The following RBFOX1 variants were observed in gnomAD, a reference collection of about 807,000 sequenced individuals.
The protein encoded by RBFOX1 is RNA binding fox-1 homolog 1, also known as RNA binding protein fox-1 homolog 1.
Under a neutral mutation model 57.7 loss-of-function variants are expected in RBFOX1, and 8 were observed. The ratio of observed to expected loss-of-function variants is 0.14; its 90% confidence interval spans 0.08 to 0.25. RBFOX1 has a LOEUF of 0.25. Among genes scored for constraint, RBFOX1 ranks in the 10% least tolerant of loss-of-function variants. The pLI is 1.00. For missense variants in RBFOX1, 611 were observed against 548.5 expected (o/e 1.11, Z -1.14); for synonymous variants, 326 against 222.4 (o/e 1.47, Z -4.15).
At chr16:7,549,043 AG>A (rs1246296735) in intron 5 of RBFOX1, among the ~76,000 whole-genome samples, 4 of 152,208 alleles carry the variant, frequency 2.6e-5, no homozygotes, top group African/African-American at 9.6e-5. Flanking sequence ...AACAGAGAAG[AG>A]GGTGGACAGG....
At chr16:7,134,801 A>G (rs2071458870) in intron 4 of RBFOX1, among the ~76,000 whole-genome samples, 1 of 152,208 alleles carries the variant, frequency 6.6e-6, no homozygotes, top group South Asian at 2.1e-4. Flanking sequence ...TTAATGTTAA[A>G]GGAGTACATA....
At position 5,555,851 on chromosome 16, in the gene RBFOX1, A is replaced by G. The variant is rs555919716; in HGVS notation, c.259-43051A>G. On this transcript the variant is annotated intron_variant, in intron 2 of 2. Transcript: ENST00000585867. ...AGCCTCACCAATATGGGAAAACCCC[A>G]TATCTACTAAAAATACAAAATTAGC... Among the ~76,000 whole-genome samples the G allele has an allele frequency of 4.7e-4, 72 of 152,004 alleles. 2 individuals carry two copies. The highest frequency in any genetic ancestry group is 1.7e-3 in the Admixed American group (26 of 15,280).
At chr16:5,628,717 A>T (rs937288753) in intron 3 of RBFOX1, among the ~76,000 whole-genome samples, 5 of 152,216 alleles carry the variant, frequency 3.3e-5, no homozygotes, top group African/African-American at 1.2e-4. Flanking sequence ...GGGTTGACAT[A>T]GCAGTCTCTT....
chr16:5,675,040 T>C (rs766159953), intron 3 of RBFOX1, among the ~76,000 whole-genome samples: 6 of 152,072 alleles, frequency 3.9e-5, no homozygotes, highest in Non-Finnish European at 7.4e-5. Context: ...TTCCAACTAC[T>C]TGGAGCCTGA....
At chr16:6,142,339 A>C (rs1460846450) in intron 1 of RBFOX1, among the ~76,000 whole-genome samples, 1 of 148,702 alleles carries the variant, frequency 6.7e-6, no homozygotes, top group East Asian at 2.0e-4. Context: ...CTCCTGTCTC[A>C]GCCTCCCGAG....
intron 3 of RBFOX1, among the ~76,000 whole-genome samples, chr16:5,683,787 A>T (rs1461808835): frequency 6.8e-6 from 1 of 146,894 alleles, no homozygotes; most frequent in Non-Finnish European, 1.5e-5. Flanking sequence ...TATTATTTAT[A>T]TTATATGTTT....
intron 5 of RBFOX1, among the ~76,000 whole-genome samples, chr16:7,533,639 A>T (rs570240298): frequency 1.3e-5 from 2 of 152,330 alleles, no homozygotes; most frequent in East Asian, 1.9e-4. Context: ...TTTTATACTG[A>T]AGTGTCAAAT....
chr16:7,149,501 T>TAA (rs1555511828), intron 4 of RBFOX1, among the ~76,000 whole-genome samples: 2 of 117,598 alleles, frequency 1.7e-5, no homozygotes, highest in Admixed American at 8.4e-5. Context: ...TTTTTTTTTT[T>TAA]TCCCCGACAG....
chr16:6,441,417 T>A (rs531194236), intron 2 of RBFOX1, among the ~76,000 whole-genome samples: 124 of 152,246 alleles, frequency 8.1e-4, no homozygotes, highest in Non-Finnish European at 1.6e-3. Context: ...TGTTTTGTTT[T>A]GTTTTTTCTT....
At chr16:7,168,350 A>G (rs1374561495) in intron 4 of RBFOX1, among the ~76,000 whole-genome samples, 1 of 152,142 alleles carries the variant, frequency 6.6e-6, no homozygotes, top group Non-Finnish European at 1.5e-5. Flanking sequence ...CTTGTCTGAT[A>G]TGTGCTAGGG....
In RBFOX1 at chr16:6,749,675, C is replaced by G. The variant is rs548693043; in HGVS notation, c.-16+95025C>G. Among the ~76,000 whole-genome samples the G allele has an allele frequency of 2.6e-5, 4 of 152,284 alleles. No homozygotes were observed. In the South Asian group the frequency reaches 8.3e-4, roughly 32 times the overall value. On this transcript the variant is annotated intron_variant, in intron 3 of 15. Transcript: ENST00000550418. ...AATCAGTACATCAGGGGTAACAAAT[C>G]TTAGTGACCTCAGTAAATAATAAGC... is the stretch of plus-strand genomic sequence containing the variant.
At chr16:6,499,030 A>G (rs903788318) in intron 2 of RBFOX1, among the ~76,000 whole-genome samples, 10 of 152,202 alleles carry the variant, frequency 6.6e-5, no homozygotes, top group African/African-American at 1.4e-4. Flanking sequence ...TGATTGTGTG[A>G]CAGGTTAGTA....
chr16:6,657,401 C>A (rs185733049), intron 3 of RBFOX1, among the ~76,000 whole-genome samples: 2 of 152,202 alleles, frequency 1.3e-5, no homozygotes, highest in African/African-American at 4.8e-5. Flanking sequence ...CGCTAATGAT[C>A]CCTGAGGGAC....
intron 4 of RBFOX1, among the ~76,000 whole-genome samples, chr16:7,343,029 G>A (rs931453403): frequency 6.6e-6 from 1 of 152,138 alleles, no homozygotes; most frequent in Non-Finnish European, 1.5e-5. Context: ...GACGGGGAGG[G>A]TGGACTTTGT....
chr16:6,310,719 C>T (rs946715564), intron 1 of RBFOX1, among the ~76,000 whole-genome samples: 6 of 152,124 alleles, frequency 3.9e-5, no homozygotes, highest in African/African-American at 1.4e-4. Context: ...CAGCCTGGTG[C>T]TTCGAGGTGC....
At chr16:5,939,450 C>G (rs961141924) in intron 4 of RBFOX1, among the ~76,000 whole-genome samples, 1 of 152,200 alleles carries the variant, frequency 6.6e-6, no homozygotes, top group African/African-American at 2.4e-5. Flanking sequence ...ATGGCTCACA[C>G]ATGTGGCTTT....
At chr16:5,372,363 G>C (rs990121080) in intron 1 of RBFOX1, among the ~76,000 whole-genome samples, 1 of 152,232 alleles carries the variant, frequency 6.6e-6, no homozygotes, top group African/African-American at 2.4e-5. Context: ...GGTGGTGGGA[G>C]TGAGGTCTAT....
chr16:6,183,134 G>C (rs563779552), intron 1 of RBFOX1, among the ~76,000 whole-genome samples: 82 of 152,138 alleles, frequency 5.4e-4, no homozygotes, highest in African/African-American at 1.8e-3. Flanking sequence ...GGCATGTGAG[G>C]ATACAATGTT....
rs563070750 is a variant in RBFOX1 at position 6,790,470 on chromosome 16, G to T, written c.-16+135820G>T. 9.3e-3 allele frequency among the ~76,000 whole-genome samples: 1,418 copies of T among 152,096 alleles called. 26 individuals carry two copies. The highest frequency in any genetic ancestry group is 0.032 in the African/African-American group (1,333 of 41,492). ...AAAGTGCTGGGAATACAGGCGTGAGGCACTGGGCATGGCGCCCTCCATCGT... is the reference window on the plus strand; with the variant it reads ...AAAGTGCTGGGAATACAGGCGTGAGTCACTGGGCATGGCGCCCTCCATCGT... On this transcript the variant is annotated intron_variant, in intron 3 of 15. Transcript: ENST00000550418.
Sources: allele counts gnomAD v4.1 joint callset (sites outside exome capture counted in the v4.1 genomes callset), GRCh38; gene constraint gnomAD v4.1.1; transcripts MANE v1.5; gene names NCBI Gene and HGNC (gene_info 2026-07-23, HGNC 2026-07-21).